The following UBAP1 variants were observed in gnomAD, a reference collection of about 807,000 sequenced individuals.
The protein encoded by UBAP1 is ubiquitin associated protein 1, also known as ubiquitin-associated protein 1.
A neutral mutation model predicts 39.0 loss-of-function variants in UBAP1; 5 were observed. The observed-to-expected ratio is 0.13, with a 90% CI of 0.07 to 0.27. UBAP1 has a LOEUF of 0.27. Among genes scored for constraint, UBAP1 ranks in the 10% least tolerant of loss-of-function variants. The probability of loss-of-function intolerance (pLI) is 1.00; values close to 1 mark genes in which losing one functional copy is unlikely to be tolerated. For synonymous variants in UBAP1, 211 were observed against 225.1 expected, an observed-to-expected ratio of 0.94 and a Z score of 0.56; for missense variants, 490 against 608.1, an observed-to-expected ratio of 0.81 and a Z score of 2.04.
At chr9:34,210,261 C>G (rs1474607988) in intron 1 of UBAP1, among the ~76,000 whole-genome samples, 1 of 152,144 alleles carries the variant, frequency 6.6e-6, no homozygotes, top group Non-Finnish European at 1.5e-5. Context: ...GTTTTGCAAA[C>G]ACAGAGCTTG....
In UBAP1 at chr9:34,249,977, G is replaced by GCCTGT; in HGVS notation, c.1266+18_1266+19insTGTCC. 1 of 1,612,980 alleles carries GCCTGT rather than the reference G, an allele frequency of 6.2e-7. No individual in the cohort carries two copies. The highest frequency in any genetic ancestry group is 8.5e-7 in the Non-Finnish European group (1 of 1,179,640). Reference sequence around the variant, plus strand: ...TATTGAGCAGGTGAGCGGTTGGTCAGCCAGGAGGGCAGGCTCAGACCTGTG... The same window carrying GCCTGT: ...TATTGAGCAGGTGAGCGGTTGGTCAGCCTGTCCAGGAGGGCAGGCTCAGACCTGTG... On this transcript the variant is annotated intron_variant, in intron 5 of 6. Coordinates refer to ENST00000297661, the MANE Select transcript of UBAP1 (RefSeq NM_016525.5).
intron 1 of UBAP1, among the ~76,000 whole-genome samples, chr9:34,197,124 C>T (rs1831113531): frequency 6.6e-6 from 1 of 152,002 alleles, no homozygotes; most frequent in Admixed American, 6.6e-5. Flanking sequence ...GACGGGGTTT[C>T]ACTATGTTGG....
chr9:34,233,481 A>G (rs1833535655), intron 2 of UBAP1, among the ~76,000 whole-genome samples: 1 of 152,084 alleles, frequency 6.6e-6, no homozygotes, highest in African/African-American at 2.4e-5. Flanking sequence ...TTTCTAAAGT[A>G]GAGAATCCTA....
At position 34,205,090 on chromosome 9, in the gene UBAP1, C is replaced by G. The variant is rs542935455; in HGVS notation, c.-7-15818C>G. On this transcript the variant is annotated intron_variant, in intron 1 of 6. Coordinates refer to ENST00000297661, the MANE Select transcript of UBAP1 (RefSeq NM_016525.5). ...GGAGTGCAGTGGCGCCATCACTGTT[C>G]ACTGCAGCTTCGACCTCCCCAGGCT... Among the ~76,000 whole-genome samples the G allele has an allele frequency of 1.6e-4, 25 of 152,234 alleles. 1 individual carries two copies. The highest frequency in any genetic ancestry group is 6.8e-3 in the Middle Eastern group (2 of 294).
chr9:34,196,624 T>A (rs1421033900), intron 1 of UBAP1, among the ~76,000 whole-genome samples: 11 of 152,024 alleles, frequency 7.2e-5, no homozygotes, highest in Admixed American at 2.6e-4. Flanking sequence ...TAATTTTTTT[T>A]AATATAGACA....
intron 2 of UBAP1, among the ~76,000 whole-genome samples, chr9:34,222,631 C>T (rs887413259): frequency 6.6e-6 from 1 of 151,806 alleles, no homozygotes; most frequent in Non-Finnish European, 1.5e-5. Context: ...GCTGTCTCTA[C>T]AAAAAAATTT....
At chr9:34,221,186 C>G (rs1400501300) in intron 2 of UBAP1, among the ~76,000 whole-genome samples, 1 of 152,034 alleles carries the variant, frequency 6.6e-6, no homozygotes, top group Non-Finnish European at 1.5e-5. Flanking sequence ...CTTGAAACTA[C>G]TAGTGATAGA....
chr9:34,185,623 A>G (rs1830366085), intron 1 of UBAP1, among the ~76,000 whole-genome samples: 1 of 152,076 alleles, frequency 6.6e-6, no homozygotes, highest in Non-Finnish European at 1.5e-5. Context: ...AGGCAGGTGG[A>G]TCACCTGAGG....
chr9:34,186,140 C>T (rs1435316403), intron 1 of UBAP1, among the ~76,000 whole-genome samples: 2 of 152,110 alleles, frequency 1.3e-5, no homozygotes, highest in Admixed American at 1.3e-4. Context: ...TGCTTGTTCT[C>T]ATTGAAATAA....
Position 34,228,185 on chromosome 9 carries a change from G to A in UBAP1, c.35-6031G>A, listed in dbSNP as rs1017667959. Among the ~76,000 whole-genome samples the A allele has an allele frequency of 6.6e-5, 10 of 152,096 alleles. No homozygotes were observed. In the South Asian group the frequency reaches 1.7e-3, roughly 25 times the overall value. ...TTTAATCCCAGCACTTTGGGAGGCC[G>A]AGGTGGGCGGATCATGAGGTAAGGA... On this transcript the variant is annotated intron_variant, in intron 2 of 6. Transcript: ENST00000297661.
intron 1 of UBAP1, among the ~76,000 whole-genome samples, chr9:34,198,830 C>T (rs1186269178): frequency 6.6e-6 from 1 of 152,076 alleles, no homozygotes; most frequent in African/African-American, 2.4e-5. Flanking sequence ...AACTATAGGC[C>T]CAGGGGATCA....
At chr9:34,236,437 GA>G (rs1358774909) in intron 3 of UBAP1, among the ~76,000 whole-genome samples, 1 of 152,076 alleles carries the variant, frequency 6.6e-6, no homozygotes, top group Non-Finnish European at 1.5e-5. Context: ...TTGTCATTAT[GA>G]CTGTATTATC....
Position 34,251,579 on chromosome 9 carries a change from G to A in UBAP1, c.*47G>A. ...TGCCGCAGAACCACCATCCCTGGGA[G>A]GCCCTGCAGAGCCCACCTGTGGGGA... is the stretch of plus-strand genomic sequence containing the variant. On this transcript the variant is annotated 3_prime_UTR_variant, in exon 7 of 7. Transcript: ENST00000297661. 4 of 1,597,434 alleles carry A rather than the reference G, an allele frequency of 2.5e-6. No homozygotes were observed.
Position 34,241,916 on chromosome 9 carries a change from G to A in UBAP1, c.891G>A (p.Thr297=), listed in dbSNP as rs778485699. 9 of 1,614,036 alleles carry A rather than the reference G, an allele frequency of 5.6e-6. No homozygotes were observed. The highest frequency in any genetic ancestry group is 2.7e-5 in the African/African-American group (2 of 74,912). ...GCACATCCTGCCTCCGCAATGGCAC[G>A]TTCCAGAATTCCCTAAAGCCTTCCA... The part of the protein sequence containing the change: ...FHSTSCLRNG[T]FQNSLKPSTQ... The change falls in exon 4 of 7, where the codon ACG becomes ACA. Residue 297 remains threonine (T), a synonymous_variant. Coordinates refer to ENST00000297661, the MANE Select transcript of UBAP1 (RefSeq NM_016525.5).
intron 1 of UBAP1, among the ~76,000 whole-genome samples, chr9:34,202,395 A>G (rs1158797541): frequency 1.3e-5 from 2 of 151,954 alleles, no homozygotes; most frequent in African/African-American, 4.8e-5. Flanking sequence ...GCCTCCCAAA[A>G]TGCTGGGATT....
intron 1 of UBAP1, among the ~76,000 whole-genome samples, chr9:34,189,304 T>G (rs1246700222): frequency 1.3e-5 from 2 of 151,868 alleles, no homozygotes; most frequent in East Asian, 3.9e-4. Context: ...TTCTTTCACC[T>G]CAGCCTCCCG....
chr9:34,181,133 T>TTTTTTTTTTA (rs1830005363), intron 1 of UBAP1, among the ~76,000 whole-genome samples: 1 of 119,932 alleles, frequency 8.3e-6, no homozygotes, highest in Non-Finnish European at 1.7e-5. Flanking sequence ...TTTTTTTTTT[T>TTTTTTTTTTA]GAGACAGAGT....
chr9:34,223,485 C>T (rs974870354), intron 2 of UBAP1, among the ~76,000 whole-genome samples: 2 of 152,062 alleles, frequency 1.3e-5, no homozygotes, highest in Non-Finnish European at 1.5e-5. Context: ...GACAGAGTCT[C>T]GCTCTGTCGC....
At chr9:34,239,738 T>C (rs1031064565) in intron 3 of UBAP1, among the ~76,000 whole-genome samples, 1 of 152,220 alleles carries the variant, frequency 6.6e-6, no homozygotes, top group Non-Finnish European at 1.5e-5. Flanking sequence ...AGGATGAGGA[T>C]GATTAGCTTT....
Sources: gnomAD v4.1 joint callset for allele counts (sites outside exome capture counted in the v4.1 genomes callset) on GRCh38, gnomAD v4.1.1 for gene constraint, MANE v1.5 for transcripts, NCBI Gene and HGNC (gene_info 2026-07-23, HGNC 2026-07-21) for gene names.